Variants in PTPRD observed in about 807,000 individuals in gnomAD.
PTPRD encodes receptor-type tyrosine-protein phosphatase delta.
Under a neutral mutation model 214.5 loss-of-function variants are expected in PTPRD, and 34 were observed. The observed-to-expected ratio is 0.16, with a 90% CI of 0.12 to 0.21. The LOEUF (loss-of-function observed/expected upper bound fraction) is 0.21, where lower values mean the gene tolerates loss of function less well. Ranked by LOEUF, PTPRD falls within the 10% of genes least tolerant of loss-of-function variation. PTPRD has a pLI of 1.00. For missense variants in PTPRD, 2,545 were observed against 2,398.7 expected, an observed-to-expected ratio of 1.06 and a Z score of -1.27; for synonymous variants, 1,128 against 845.7, an observed-to-expected ratio of 1.33 and a Z score of -5.79.
At chr9:10,521,659 C>G (rs1204841316) in intron 2 of PTPRD, among the ~76,000 whole-genome samples, 1 of 152,120 alleles carries the variant, frequency 6.6e-6, no homozygotes, top group Non-Finnish European at 1.5e-5. Context: ...CAGCCATCCA[C>G]CCTAACCTTC....
chr9:8,669,080 G>C (rs2097225234), intron 12 of PTPRD, among the ~76,000 whole-genome samples: 1 of 152,078 alleles, frequency 6.6e-6, no homozygotes. Context: ...GGAAAGGGGA[G>C]GGAGGTACTC....
intron 18 of PTPRD, 82 bp from the exon 19 acceptor site, chr9:8,523,606 AG>A: frequency 6.6e-7 from 1 of 1,504,748 alleles, no homozygotes; most frequent in Non-Finnish European, 9.2e-7. Flanking sequence ...GAGAGTAAAA[AG>A]GCCATATCAA....
chr9:8,764,294 G>C (rs1218509177), intron 11 of PTPRD, among the ~76,000 whole-genome samples: 1 of 152,146 alleles, frequency 6.6e-6, no homozygotes, highest in Non-Finnish European at 1.5e-5. Flanking sequence ...GCTATTGCAA[G>C]AGAGGAAAAC....
rs1440015836 is a variant in PTPRD, at chr9:10,098,348, T to A, written c.-544-64558A>T. ...TCACACACCAGGGATGGTTGTGGGG[T>A]TGGGGGAGGGGGGAGGGATAGCATT... is the stretch of plus-strand genomic sequence containing the variant. On this transcript the variant is annotated intron_variant, in intron 3 of 45. Coordinates refer to ENST00000381196, the MANE Select transcript of PTPRD (RefSeq NM_002839.4). 2.0e-4 allele frequency among the ~76,000 whole-genome samples: 20 copies of A among 100,582 alleles called. No homozygotes were observed. In the Admixed American group the frequency reaches 2.1e-3, roughly 10 times the overall value. 66.0% of individuals were successfully genotyped at this position (100,582 alleles called of 152,430 possible).
chr9:10,405,658 G>C (rs914824398), intron 2 of PTPRD, among the ~76,000 whole-genome samples: 3 of 151,440 alleles, frequency 2.0e-5, no homozygotes, highest in Non-Finnish European at 3.0e-5. Flanking sequence ...CAGAAATTTT[G>C]TAGTGATCCA....
chr9:10,114,891 A>G (rs1225156971), intron 3 of PTPRD, among the ~76,000 whole-genome samples: 1 of 152,124 alleles, frequency 6.6e-6, no homozygotes, highest in Middle Eastern at 3.4e-3. Context: ...ATATGGAAAG[A>G]TACAGGATTT....
chr9:8,449,642 G>T, intron 34 of PTPRD, 83 bp downstream of exon 34: 7 of 1,225,552 alleles, frequency 5.7e-6, no homozygotes, highest in Non-Finnish European at 8.0e-6. Flanking sequence ...AAAATAAAGT[G>T]ATACCTTCAA....
intron 7 of PTPRD, among the ~76,000 whole-genome samples, chr9:9,604,444 T>G (rs1408629387): frequency 1.3e-5 from 2 of 152,086 alleles, no homozygotes; most frequent in African/African-American, 2.4e-5. Context: ...GGAATTTTAG[T>G]TCTGATTATA....
chr9:9,974,345 C>T (rs1349511432), intron 4 of PTPRD, among the ~76,000 whole-genome samples: 1 of 152,130 alleles, frequency 6.6e-6, no homozygotes, highest in Non-Finnish European at 1.5e-5. Context: ...AAAATGTCTG[C>T]ACCAAGCCTT....
At chr9:10,035,920 T>C (rs923013592) in intron 3 of PTPRD, among the ~76,000 whole-genome samples, 2 of 147,734 alleles carry the variant, frequency 1.4e-5, no homozygotes, top group Admixed American at 1.4e-4. Context: ...GAAGCGGAAA[T>C]CTATATCTTC....
intron 9 of PTPRD, among the ~76,000 whole-genome samples, chr9:9,298,092 C>A (rs1462549596): frequency 6.6e-6 from 1 of 151,542 alleles, no homozygotes; most frequent in Non-Finnish European, 1.5e-5. Context: ...CATTTTTAAT[C>A]TTGGGAAACT....
chr9:10,209,221 T>A (rs294799), intron 3 of PTPRD, among the ~76,000 whole-genome samples: 46,332 of 151,974 alleles, frequency 0.3, 8,849 homozygotes, highest in East Asian at 0.6. Flanking sequence ...AGCAAGGATT[T>A]GGAAAGAAGT....
intron 12 of PTPRD, among the ~76,000 whole-genome samples, chr9:8,683,848 G>T (rs1262576580): frequency 6.6e-6 from 1 of 152,192 alleles, no homozygotes; most frequent in African/African-American, 2.4e-5. Context: ...AGAACCAGGA[G>T]TCCTGGGCTA....
chr9:8,760,222 G>C (rs1348593859), intron 11 of PTPRD, among the ~76,000 whole-genome samples: 2 of 152,116 alleles, frequency 1.3e-5, no homozygotes, highest in Admixed American at 6.5e-5. Context: ...CCTTTTTAAA[G>C]GAAGAAGCTT....
rs142450556 is a variant in PTPRD, at chr9:9,744,102, A to G, written c.-325-9531T>C. Among the ~76,000 whole-genome samples, 1,339 of 152,248 alleles carry G rather than the reference A, an allele frequency of 8.8e-3. 10 individuals are homozygous for G. The highest frequency in any genetic ancestry group is 0.017 in the Middle Eastern group (5 of 294). ...AGCCTAGGAATTTTCTTGCATGAATACTTATTACCACCATTTTCGATAGGA... is the reference window on the plus strand; with the variant it reads ...AGCCTAGGAATTTTCTTGCATGAATGCTTATTACCACCATTTTCGATAGGA... On this transcript the variant is annotated intron_variant, in intron 6 of 45. Transcript: ENST00000381196.
At chr9:9,401,880 T>C (rs776183795) in intron 8 of PTPRD, among the ~76,000 whole-genome samples, 7 of 152,018 alleles carry the variant, frequency 4.6e-5, no homozygotes, top group Non-Finnish European at 7.4e-5. Context: ...AAGAAGGACA[T>C]GTTTGCTTCT....
intron 10 of PTPRD, among the ~76,000 whole-genome samples, chr9:9,132,030 C>T (rs202089847): frequency 1.2e-4 from 18 of 151,952 alleles, no homozygotes; most frequent in Non-Finnish European, 2.6e-4. Context: ...TGTTTTGAGA[C>T]GGAGTCTGTC....
chr9:9,744,999 A>G (rs184196254), intron 6 of PTPRD, among the ~76,000 whole-genome samples: 250 of 152,252 alleles, frequency 1.6e-3, no homozygotes, highest in African/African-American at 5.3e-3. Flanking sequence ...CAACAAGCTA[A>G]TTCAAATCCA....
At chr9:9,989,643 T>C (rs964252540) in intron 4 of PTPRD, among the ~76,000 whole-genome samples, 1 of 152,160 alleles carries the variant, frequency 6.6e-6, no homozygotes, top group Admixed American at 6.5e-5. Flanking sequence ...TCCTGGACAC[T>C]GGAAAAGGGC....
Sources: allele counts gnomAD v4.1 joint callset (sites outside exome capture counted in the v4.1 genomes callset), GRCh38; gene constraint gnomAD v4.1.1; transcripts MANE v1.5; gene names NCBI Gene and HGNC (gene_info 2026-07-23, HGNC 2026-07-21).